The following BMERB1 variants were observed in gnomAD, a reference collection of about 807,000 sequenced individuals.
BMERB1 encodes the protein bMERB domain containing 1.
In BMERB1, 12 loss-of-function variants were observed where a neutral mutation model predicts 23.6. The ratio of observed to expected loss-of-function variants is 0.51; its 90% CI spans 0.33 to 0.82. BMERB1 has a LOEUF of 0.82. Among genes scored for constraint, BMERB1 ranks in the 40% least tolerant of loss-of-function variants. The probability of loss-of-function intolerance (pLI) is 0.03; values close to 1 mark genes in which losing one functional copy is unlikely to be tolerated. For synonymous variants in BMERB1, 122 were observed against 96.6 expected, an observed-to-expected ratio of 1.26 and a Z score of -1.54; for missense variants, 247 against 255.4, an observed-to-expected ratio of 0.97 and a Z score of 0.22.
At chr16:15,565,226 A>G in intron 2 of BMERB1, among the ~76,000 whole-genome samples, 1 of 152,102 alleles carries the variant, frequency 6.6e-6, no homozygotes. Context: ...CAGACTCCGA[A>G]GGGTCGATTT....
At chr16:15,568,145 G>T in intron 3 of BMERB1, 89 bp downstream of exon 3, 3 of 1,124,948 alleles carry the variant, frequency 2.7e-6, no homozygotes, top group Non-Finnish European at 3.9e-6. Flanking sequence ...GGAAGACAGA[G>T]CCTCATTCTT....
At chr16:15,555,008 C>T (rs2030213173) in intron 2 of BMERB1, among the ~76,000 whole-genome samples, 1 of 152,044 alleles carries the variant, frequency 6.6e-6, no homozygotes. Flanking sequence ...GGTAACTAAG[C>T]AATACTGGTG....
At chr16:15,584,681 C>T (rs2031098436) in intron 5 of BMERB1, among the ~76,000 whole-genome samples, 1 of 152,066 alleles carries the variant, frequency 6.6e-6, no homozygotes, top group Admixed American at 6.6e-5. Context: ...AACACTATTA[C>T]CTCCCCTCCT....
intron 1 of BMERB1, among the ~76,000 whole-genome samples, chr16:15,443,201 T>G (rs2050956206): frequency 6.6e-6 from 1 of 151,666 alleles, no homozygotes. Flanking sequence ...TGAGCTGAGA[T>G]TGCACCACTG....
At chr16:15,532,706 C>T (rs896233571) in intron 2 of BMERB1, among the ~76,000 whole-genome samples, 1 of 151,720 alleles carries the variant, frequency 6.6e-6, no homozygotes, top group African/African-American at 2.4e-5. Context: ...CCACCATGCC[C>T]GGCTAATTTT....
chr16:15,451,687 A>G (rs1185248601), intron 1 of BMERB1, among the ~76,000 whole-genome samples: 1 of 149,174 alleles, frequency 6.7e-6, no homozygotes, highest in African/African-American at 2.5e-5. Flanking sequence ...GTCTCCTGAG[A>G]AGCTGGGACT....
chr16:15,559,506 T>C (rs1168869689), intron 2 of BMERB1, among the ~76,000 whole-genome samples: 11 of 152,206 alleles, frequency 7.2e-5, no homozygotes, highest in Admixed American at 7.2e-4. Context: ...TTAACCTCCA[T>C]GTACTCATCT....
At chr16:15,532,544 C>CTTTTTTT (rs58964968) in intron 2 of BMERB1, among the ~76,000 whole-genome samples, 226 of 91,818 alleles carry the variant, frequency 2.5e-3, no homozygotes, top group Non-Finnish European at 3.6e-3. Context: ...TTTTCTTTTT[C>CTTTTTTT]TTTTTTTTTT....
chr16:15,478,708 T>C (rs1189430466), intron 1 of BMERB1, among the ~76,000 whole-genome samples: 1 of 152,194 alleles, frequency 6.6e-6, no homozygotes, highest in African/African-American at 2.4e-5. Flanking sequence ...TTTTGCACCT[T>C]AGCACAAGAA....
intron 2 of BMERB1, among the ~76,000 whole-genome samples, chr16:15,532,318 G>C (rs2051975527): frequency 6.6e-6 from 1 of 151,738 alleles, no homozygotes. Context: ...TGCAACCTCT[G>C]CCTCCTGGGT....
intron 2 of BMERB1, among the ~76,000 whole-genome samples, chr16:15,546,995 GGGCACT>G (rs1342262630): frequency 1.3e-5 from 2 of 151,312 alleles, no homozygotes; most frequent in Non-Finnish European, 2.9e-5. Context: ...CTTTGTATAA[GGGCACT>G]GGCTCTTTTA....
chr16:15,459,329 C>T (rs949392347), intron 1 of BMERB1, among the ~76,000 whole-genome samples: 7 of 150,500 alleles, frequency 4.7e-5, no homozygotes, highest in African/African-American at 1.2e-4. Context: ...AGGCAAAGAT[C>T]GTCAGACTGG....
intron 2 of BMERB1, among the ~76,000 whole-genome samples, chr16:15,529,087 C>A (rs1196828059): frequency 2.0e-5 from 3 of 152,098 alleles, no homozygotes; most frequent in Non-Finnish European, 4.4e-5. Context: ...TGCAGTGGTG[C>A]GATCTTGGCT....
intron 1 of BMERB1, among the ~76,000 whole-genome samples, chr16:15,485,364 G>A (rs1050249525): frequency 7.9e-5 from 12 of 152,296 alleles, no homozygotes; most frequent in African/African-American, 1.9e-4. Flanking sequence ...TCATCACTTA[G>A]CAAATCTCCT....
At chr16:15,531,674 TAGAA>T (rs927525586) in intron 2 of BMERB1, among the ~76,000 whole-genome samples, 16 of 152,108 alleles carry the variant, frequency 1.1e-4, no homozygotes, top group Non-Finnish European at 2.1e-4. Context: ...AGAAGCTTCT[TAGAA>T]AGACAGGGCA....
intron 1 of BMERB1, among the ~76,000 whole-genome samples, chr16:15,492,484 A>T (rs904101180): frequency 6.6e-6 from 1 of 152,228 alleles, no homozygotes; most frequent in African/African-American, 2.4e-5. Context: ...TGGGCTGTGT[A>T]TAGTGACTTC....
intron 1 of BMERB1, among the ~76,000 whole-genome samples, chr16:15,507,387 A>G (rs2051604098): frequency 6.6e-6 from 1 of 152,110 alleles, no homozygotes; most frequent in Non-Finnish European, 1.5e-5. Flanking sequence ...GGAAGCATGC[A>G]TCTCCCTGGG....
At chr16:15,548,925 A>G (rs1038456575) in intron 2 of BMERB1, among the ~76,000 whole-genome samples, 1 of 152,130 alleles carries the variant, frequency 6.6e-6, no homozygotes, top group African/African-American at 2.4e-5. Context: ...CAGTGGTCCT[A>G]GTGGCCCAGT....
chr16:15,512,012 CAAAAAAAA>C (rs57021793), intron 1 of BMERB1, among the ~76,000 whole-genome samples: 11 of 61,130 alleles, frequency 1.8e-4, no homozygotes, highest in East Asian at 7.2e-4. Flanking sequence ...GACTTGCTCT[CAAAAAAAA>C]AAAAAAAAAA....
Sources: allele counts gnomAD v4.1 joint callset (sites outside exome capture counted in the v4.1 genomes callset), GRCh38; gene constraint gnomAD v4.1.1; transcripts MANE v1.5; gene names NCBI Gene and HGNC (gene_info 2026-07-23, HGNC 2026-07-21).